Variants in CNNM2 observed in about 807,000 individuals in gnomAD.
CNNM2 encodes the protein metal transporter CNNM2.
In CNNM2, 12 loss-of-function variants were observed where a neutral mutation model predicts 66.9. The ratio of observed to expected loss-of-function variants is 0.18; its 90% CI spans 0.11 to 0.29. The LOEUF is 0.29. Among genes scored for constraint, CNNM2 ranks in the 10% least tolerant of loss-of-function variants. The pLI, the probability that CNNM2 is intolerant of heterozygous loss-of-function variation, is 1.00. For missense variants in CNNM2, 705 were observed against 1,167.7 expected, an observed-to-expected ratio of 0.60 and a Z score of 5.77; for synonymous variants, 557 against 501.8, an observed-to-expected ratio of 1.11 and a Z score of -1.47.
At chr10:102,954,338 C>T (rs375894211) in intron 1 of CNNM2, among the ~76,000 whole-genome samples, 4 of 151,744 alleles carry the variant, frequency 2.6e-5, no homozygotes, top group East Asian at 1.9e-4. Flanking sequence ...TGGGCTGTAT[C>T]GAACTTCTGG....
At chr10:102,967,785 G>T (rs2063487987) in intron 1 of CNNM2, among the ~76,000 whole-genome samples, 1 of 152,180 alleles carries the variant, frequency 6.6e-6, no homozygotes, top group Admixed American at 6.5e-5. Flanking sequence ...GAGGCGGGCG[G>T]ATCACCTGAG....
chr10:102,926,712 ATT>A lies in CNNM2; in HGVS notation c.1621+6631_1621+6632del, dbSNP rs376861078. On this transcript the variant is annotated intron_variant, in intron 1 of 7. Coordinates refer to ENST00000369878, the MANE Select transcript of CNNM2 (RefSeq NM_017649.5). The stretch of plus-strand genomic sequence containing the variant: ...AGGCGTGTGCCACCACACCCAGCTA[ATT>A]TTTTTTTTTTTTTTTTTTTGAGATG... Among the ~76,000 whole-genome samples, 10 of 113,792 alleles carry A rather than the reference ATT, an allele frequency of 8.8e-5. No individual in the cohort carries two copies. The highest frequency in any genetic ancestry group is 1.9e-4 in the Admixed American group (2 of 10,270). The allele number at this position is 113,792 out of a possible 152,430, so 74.7% of individuals were successfully genotyped here.
chr10:102,929,173 T>C (rs1257077351), intron 1 of CNNM2, among the ~76,000 whole-genome samples: 1 of 152,110 alleles, frequency 6.6e-6, no homozygotes, highest in Non-Finnish European at 1.5e-5. Flanking sequence ...GGTGGGAGAA[T>C]TGCTTGAACC....
At chr10:103,075,562 G>C (rs1564872749) in intron 6 of CNNM2, among the ~76,000 whole-genome samples, 1 of 152,184 alleles carries the variant, frequency 6.6e-6, no homozygotes, top group African/African-American at 2.4e-5. Context: ...GGATTTTACT[G>C]GGGTCAGAGA....
intron 1 of CNNM2, chr10:102,927,219 T>C: frequency 1.6e-6 from 2 of 1,277,246 alleles, no homozygotes; most frequent in East Asian, 2.5e-5. Flanking sequence ...CAGTAAACTT[T>C]CAATTCATTA....
chr10:102,980,844 C>A (rs771693254), intron 1 of CNNM2, among the ~76,000 whole-genome samples: 11 of 151,936 alleles, frequency 7.2e-5, no homozygotes, highest in Non-Finnish European at 1.0e-4. Context: ...GCTTTTTTTT[C>A]TTCCCTGGAA....
chr10:102,935,218 C>G (rs143395327), intron 1 of CNNM2, among the ~76,000 whole-genome samples: 1 of 149,726 alleles, frequency 6.7e-6, no homozygotes, highest in East Asian at 2.0e-4. Flanking sequence ...GTAATCCTAG[C>G]GCTAACTTTG....
At chr10:103,056,490 A>G (rs1038424116) in intron 3 of CNNM2, among the ~76,000 whole-genome samples, 1 of 152,168 alleles carries the variant, frequency 6.6e-6, no homozygotes, top group Non-Finnish European at 1.5e-5. Context: ...CATCCCCCGC[A>G]CTCAAGGAGC....
intron 3 of CNNM2, among the ~76,000 whole-genome samples, chr10:103,055,844 G>A (rs1012281836): frequency 2.6e-5 from 4 of 152,158 alleles, no homozygotes; most frequent in African/African-American, 4.8e-5. Flanking sequence ...CTCATTGCCT[G>A]TAATCTCAGC....
chr10:102,991,754 G>A (rs998685833), intron 1 of CNNM2, among the ~76,000 whole-genome samples: 1 of 152,066 alleles, frequency 6.6e-6, no homozygotes, highest in East Asian at 1.9e-4. Flanking sequence ...ACCTAGTATT[G>A]GTCCTTAAGG....
At chr10:102,990,114 C>G (rs575962696) in intron 1 of CNNM2, among the ~76,000 whole-genome samples, 51 of 151,780 alleles carry the variant, frequency 3.4e-4, no homozygotes, top group African/African-American at 1.1e-3. Context: ...CTGGCTAATT[C>G]TTTGTTGTTT....
intron 1 of CNNM2, among the ~76,000 whole-genome samples, chr10:102,991,329 T>A (rs531427032): frequency 6.6e-6 from 1 of 152,282 alleles, no homozygotes; most frequent in East Asian, 1.9e-4. Flanking sequence ...TTCTCTTACT[T>A]GGTTCTCTTC....
intron 1 of CNNM2, among the ~76,000 whole-genome samples, chr10:102,935,479 T>C (rs564257300): frequency 4.7e-4 from 72 of 152,096 alleles, no homozygotes; most frequent in Non-Finnish European, 9.0e-4. Flanking sequence ...TTTTGTAGTA[T>C]CTTTCTTCTC....
At chr10:102,950,518 T>C (rs1700438285) in intron 1 of CNNM2, among the ~76,000 whole-genome samples, 1 of 152,138 alleles carries the variant, frequency 6.6e-6, no homozygotes, top group Non-Finnish European at 1.5e-5. Context: ...CTTAGCACTT[T>C]GGGAGGCTTG....
chr10:103,008,439 T>G (rs925205409), intron 1 of CNNM2, among the ~76,000 whole-genome samples: 1 of 152,198 alleles, frequency 6.6e-6, no homozygotes, highest in Non-Finnish European at 1.5e-5. Context: ...GTGTATAGAC[T>G]AGCTTTGGAT....
intron 1 of CNNM2, among the ~76,000 whole-genome samples, chr10:103,031,206 G>A (rs1458694390): frequency 5.9e-5 from 9 of 152,162 alleles, no homozygotes; most frequent in African/African-American, 1.9e-4. Context: ...ACATGTTTAT[G>A]TGTATTTGTA....
At chr10:103,021,998 T>C (rs1038122809) in intron 1 of CNNM2, among the ~76,000 whole-genome samples, 1 of 152,136 alleles carries the variant, frequency 6.6e-6, no homozygotes, top group African/African-American at 2.4e-5. Context: ...CAGAGAGAGT[T>C]CTGTTCATCT....
Position 103,054,293 on chromosome 10 carries a change from TTTC to T in CNNM2, c.1766-33_1766-31del, listed in dbSNP as rs2065262228. ...AAGAGCCCTCATCTCATGGGATGCA[TTTC>T]TTTTTTTTTCTCTCTTTTAATTCCT... On this transcript the variant is annotated intron_variant, in intron 2 of 7. Coordinates refer to ENST00000369878, the MANE Select transcript of CNNM2 (RefSeq NM_017649.5). The surrounding 1 kb of genome is among the most constrained non-coding windows in gnomAD (Gnocchi z 5.2). The T allele has an allele frequency of 1.9e-6, 3 of 1,606,314 alleles. No individual in the cohort carries two copies. In the Admixed American group the frequency reaches 5.1e-5, roughly 28 times the overall value.
intron 1 of CNNM2, among the ~76,000 whole-genome samples, chr10:103,024,180 T>C (rs2064650894): frequency 6.6e-6 from 1 of 152,230 alleles, no homozygotes; most frequent in African/African-American, 2.4e-5. Flanking sequence ...TAAGCTAGAA[T>C]AATTCCTCTC....
Sources: gnomAD v4.1 joint callset for allele counts (sites outside exome capture counted in the v4.1 genomes callset) on GRCh38, gnomAD v4.1.1 for gene constraint, Gnocchi (gnomAD v3.1) non-coding constraint, MANE v1.5 for transcripts, NCBI Gene and HGNC (gene_info 2026-07-23, HGNC 2026-07-21) for gene names.